TBX20: variants seen among roughly 807,000 people sequenced by gnomAD.
TBX20 encodes the protein T-box transcription factor TBX20.
TBX20 carries 8 observed loss-of-function variants against 42.9 expected under a neutral mutation model. The ratio of observed to expected loss-of-function variants is 0.19; its 90% CI spans 0.11 to 0.34. TBX20 has a LOEUF of 0.34. Ranked by LOEUF, TBX20 falls within the 10% of genes least tolerant of loss-of-function variation. The pLI is 1.00. For missense variants in TBX20, 411 were observed against 566.0 expected (o/e 0.73, Z 2.78); for synonymous variants, 198 against 222.8 (o/e 0.89, Z 0.99).
chr7:35,212,749 C>T (rs1789519419), intron 6 of TBX20, among the ~76,000 whole-genome samples: 2 of 152,152 alleles, frequency 1.3e-5, no homozygotes, highest in African/African-American at 4.8e-5. Flanking sequence ...AGGCATTATC[C>T]CTGGGTGACC....
chr7:35,247,877 T>C (rs765776702), intron 3 of TBX20, among the ~76,000 whole-genome samples: 1 of 152,234 alleles, frequency 6.6e-6, no homozygotes, highest in African/African-American at 2.4e-5. Context: ...GTTACATTCC[T>C]GTAACTTCAT....
chr7:35,228,123 A>G (rs1368560918), intron 6 of TBX20, among the ~76,000 whole-genome samples: 11 of 152,098 alleles, frequency 7.2e-5, no homozygotes, highest in Middle Eastern at 3.4e-3. Context: ...TTGACTCAGC[A>G]TTTTAATTTG....
At chr7:35,230,016 A>AC (rs2128713324) in intron 6 of TBX20, among the ~76,000 whole-genome samples, 1 of 151,966 alleles carries the variant, frequency 6.6e-6, no homozygotes, top group South Asian at 2.1e-4. Flanking sequence ...TATCACGTGT[A>AC]CCCCCATGGT....
chr7:35,215,490 CGAACA>C (rs1789569159), intron 6 of TBX20, among the ~76,000 whole-genome samples: 1 of 152,032 alleles, frequency 6.6e-6, no homozygotes, highest in African/African-American at 2.4e-5. Flanking sequence ...AATGGCTCAC[CGAACA>C]GGTCAAGTGA....
intron 6 of TBX20, among the ~76,000 whole-genome samples, chr7:35,230,636 G>T (rs983369020): frequency 6.6e-6 from 1 of 152,116 alleles, no homozygotes; most frequent in Non-Finnish European, 1.5e-5. Context: ...GAAGTGCTGA[G>T]GTCAGGAGAT....
At chr7:35,215,047 T>C (rs1180386771) in intron 6 of TBX20, among the ~76,000 whole-genome samples, 3 of 152,194 alleles carry the variant, frequency 2.0e-5, no homozygotes, top group Admixed American at 1.3e-4. Context: ...ATAAGATCAT[T>C]TAAATATCTT....
intron 6 of TBX20, among the ~76,000 whole-genome samples, chr7:35,219,329 C>T (rs1358537081): frequency 1.3e-5 from 2 of 152,164 alleles, no homozygotes; most frequent in East Asian, 3.8e-4. Context: ...GTCATTGTAA[C>T]ACAAAAACAG....
intron 5 of TBX20, among the ~76,000 whole-genome samples, chr7:35,240,171 A>T (rs1790048001): frequency 6.6e-6 from 1 of 152,174 alleles, no homozygotes; most frequent in Non-Finnish European, 1.5e-5. Context: ...CAGATTTGGG[A>T]ATTTTGCATT....
At chr7:35,212,610 A>G (rs1562557846) in intron 6 of TBX20, among the ~76,000 whole-genome samples, 1 of 152,146 alleles carries the variant, frequency 6.6e-6, no homozygotes, top group Non-Finnish European at 1.5e-5. Context: ...CTTTCAAGAT[A>G]TTTTAAGTAG....
chr7:35,224,847 A>G (rs980886297), intron 6 of TBX20, among the ~76,000 whole-genome samples: 1 of 152,110 alleles, frequency 6.6e-6, no homozygotes, highest in African/African-American at 2.4e-5. Context: ...TAGGTATGAA[A>G]GTTATTGCTT....
rs776259794 is a variant in TBX20, at chr7:35,202,487, G to A, written c.1287C>T (p.Pro429=). 1.4e-5 allele frequency: 23 copies of A among 1,607,820 alleles called. 1 individual carries two copies. The highest frequency in any genetic ancestry group is 1.1e-4 in the East Asian group (5 of 44,510). Reference sequence around the variant, plus strand: ...GGCGTAGTCCTTGAATGGCAGCATAGGGCCCCTGCTGAAAATAGTGATGGT... The same window carrying A: ...GGCGTAGTCCTTGAATGGCAGCATAAGGCCCCTGCTGAAAATAGTGATGGT... ...PRYHHYFQQG[P]YAAIQGLRHS... The change falls in exon 8 of 8, where the codon CCC becomes CCT. Residue 429 remains proline (P), a synonymous_variant. Transcript: ENST00000408931.
Position 35,224,521 on chromosome 7 carries a change from A to G in TBX20, c.890+6983T>C, listed in dbSNP as rs542488844. The stretch of plus-strand genomic sequence containing the variant: ...AACTCTGTCTCTACTAAAAATACAA[A>G]ATTAGCTGGACGTGGTGGCACATGC... On this transcript the variant is annotated intron_variant, in intron 6 of 7. Coordinates refer to ENST00000408931, the MANE Select transcript of TBX20 (RefSeq NM_001077653.2). Among the ~76,000 whole-genome samples the G allele has an allele frequency of 6.4e-4, 97 of 152,346 alleles. 1 individual carries two copies. The highest frequency in any genetic ancestry group is 2.1e-3 in the African/African-American group (86 of 41,584).
At chr7:35,208,627 C>T (rs919943094) in intron 6 of TBX20, among the ~76,000 whole-genome samples, 32 of 151,718 alleles carry the variant, frequency 2.1e-4, no homozygotes, top group Admixed American at 7.2e-4. Context: ...CTGTAATCCC[C>T]GCTACTCGGG....
intron 6 of TBX20, among the ~76,000 whole-genome samples, chr7:35,205,807 T>C (rs2128709897): frequency 6.6e-6 from 1 of 152,342 alleles, no homozygotes; most frequent in East Asian, 1.9e-4. Flanking sequence ...GTTACATCTC[T>C]ATTCTCAAAT....
chr7:35,202,768 A>T lies in TBX20; in HGVS notation c.1006T>A (p.Ser336Thr), dbSNP rs544060231. 339 of 1,550,676 alleles carry T rather than the reference A, an allele frequency of 2.2e-4. 4 individuals are homozygous for T. Among genetic ancestry groups the T allele is most frequent in the South Asian group, 1.8e-3 (153 of 83,548 alleles). The part of the protein sequence containing the change: ...DESQTTPNRG[S>T]AFTTSDNLSL... ...AAATTATCAGATGTTGTAAAGGCTGACCCTGTAAGGAAAAACACTCATTAG... is the reference window on the plus strand; with the variant it reads ...AAATTATCAGATGTTGTAAAGGCTGTCCCTGTAAGGAAAAACACTCATTAG... The change falls in exon 8 of 8, where the codon TCA becomes ACA. Residue 336 changes from serine to threonine, a missense_variant and splice_region_variant. By Grantham distance (58) the Ser-to-Thr change is moderately conservative (BLOSUM62 1). Around this residue, in one of 5 missense-constraint regions of TBX20, gnomAD observed 162 missense variants for 205.4 expected, o/e 0.79. Transcript: ENST00000408931.
intron 5 of TBX20, among the ~76,000 whole-genome samples, chr7:35,233,907 A>G (rs942929050): frequency 1.3e-5 from 2 of 152,256 alleles, no homozygotes; most frequent in African/African-American, 4.8e-5. Flanking sequence ...TCAGAGCTGG[A>G]ACTGGCTCTA....
intron 1 of TBX20, among the ~76,000 whole-genome samples, chr7:35,253,203 T>C (rs1790338343): frequency 6.6e-6 from 1 of 152,254 alleles, no homozygotes; most frequent in East Asian, 1.9e-4. Context: ...TATTTTTCCA[T>C]GAATGTTTTT....
Position 35,253,672 on chromosome 7 carries a change from C to A in TBX20, c.-52G>T. The A allele has an allele frequency of 6.3e-7, 1 of 1,595,826 alleles. No homozygotes were observed. The highest frequency in any genetic ancestry group is 8.5e-7 in the Non-Finnish European group (1 of 1,173,204). ...GGACGGGGTCGTCCGAACTGCCGTCCAGATTCCCCAAGGGAGACAAAGACC... is the reference window on the plus strand; with the variant it reads ...GGACGGGGTCGTCCGAACTGCCGTCAAGATTCCCCAAGGGAGACAAAGACC... On this transcript the variant is annotated 5_prime_UTR_variant, in exon 1 of 8. Transcript: ENST00000408931.
intron 6 of TBX20, 118 bp downstream of exon 6, chr7:35,231,386 T>A (rs1000939176): frequency 1.4e-6 from 1 of 736,690 alleles, no homozygotes; most frequent in Non-Finnish European, 2.4e-6. Context: ...GTGCAGAGAA[T>A]AGAAGACTAT....
Sources: allele counts gnomAD v4.1 joint callset (sites outside exome capture counted in the v4.1 genomes callset), GRCh38; gene constraint gnomAD v4.1.1; regional missense constraint gnomAD v4.1.1; transcripts MANE v1.5; gene names NCBI Gene and HGNC (gene_info 2026-07-23, HGNC 2026-07-21).